Variants in PCSK2 observed in about 807,000 individuals in gnomAD.
PCSK2 encodes the protein neuroendocrine convertase 2.
Under a neutral mutation model 69.7 loss-of-function variants are expected in PCSK2, and 14 were observed. That is an observed-to-expected ratio of 0.20 (90% CI 0.13 to 0.31). PCSK2 has a LOEUF of 0.31. PCSK2 is among the 10% of genes least tolerant of loss of function. The pLI is 1.00. For synonymous variants in PCSK2, 307 were observed against 320.7 expected, an observed-to-expected ratio of 0.96 and a Z score of 0.46; for missense variants, 544 against 842.5, an observed-to-expected ratio of 0.65 and a Z score of 4.39.
chr20:17,428,575 C>T (rs2032296013), intron 6 of PCSK2, among the ~76,000 whole-genome samples: 1 of 152,144 alleles, frequency 6.6e-6, no homozygotes, highest in African/African-American at 2.4e-5. Flanking sequence ...ACCCACATTT[C>T]CTGATTGTTT....
chr20:17,416,472 A>T (rs2032001466), intron 6 of PCSK2, among the ~76,000 whole-genome samples: 1 of 152,248 alleles, frequency 6.6e-6, no homozygotes, highest in Non-Finnish European at 1.5e-5. Context: ...CCACAATGAG[A>T]TACCATCTCA....
At chr20:17,433,785 T>TTCTCTCGCTCTCTC in intron 7 of PCSK2, among the ~76,000 whole-genome samples, 1 of 40,808 alleles carries the variant, frequency 2.5e-5, no homozygotes, top group Non-Finnish European at 6.0e-5. Flanking sequence ...CTCCTTTGAT[T>TTCTCTCGCTCTCTC]TCTCTCTCTC....
At chr20:17,472,463 G>A (rs2033218551) in intron 11 of PCSK2, among the ~76,000 whole-genome samples, 2 of 152,236 alleles carry the variant, frequency 1.3e-5, no homozygotes, top group South Asian at 2.1e-4. Context: ...CCTGCTGCGT[G>A]TCGTCATGTG....
chr20:17,421,807 T>TAAAAAAAAAAAAAAAA (rs56376793), intron 6 of PCSK2, among the ~76,000 whole-genome samples: 1 of 78,972 alleles, frequency 1.3e-5, no homozygotes, highest in Non-Finnish European at 2.3e-5. Context: ...GGAAGAGAGG[T>TAAAAAAAAAAAAAAAA]AAAAAAAAAA....
At chr20:17,471,627 G>A (rs1223671670) in intron 11 of PCSK2, among the ~76,000 whole-genome samples, 1 of 152,238 alleles carries the variant, frequency 6.6e-6, no homozygotes, top group Admixed American at 6.5e-5. Flanking sequence ...AGGAGGCTCT[G>A]CCTTGGTTGG....
chr20:17,243,958 TA>T (rs1216466292), intron 1 of PCSK2, among the ~76,000 whole-genome samples: 6 of 152,132 alleles, frequency 3.9e-5, no homozygotes, highest in Admixed American at 3.3e-4. Context: ...CCAGATTTTT[TA>T]TTTTTTTTTC....
chr20:17,236,238 A>G (rs1986333091), intron 1 of PCSK2, among the ~76,000 whole-genome samples: 1 of 152,126 alleles, frequency 6.6e-6, no homozygotes, highest in Non-Finnish European at 1.5e-5. Flanking sequence ...AGAGAAAATC[A>G]AAAGAAAACT....
chr20:17,386,609 G>A lies in PCSK2; in HGVS notation c.543+17332G>A, dbSNP rs368902093. On this transcript the variant is annotated intron_variant, in intron 5 of 11. Transcript: ENST00000262545. The stretch of plus-strand genomic sequence containing the variant: ...AATCAAACTCATAGAGACAAAAGGT[G>A]GAAAGGTAGTTGCCAGGGTCTGGGT... Among the ~76,000 whole-genome samples, 129 of 152,238 alleles carry A rather than the reference G, an allele frequency of 8.5e-4. 1 individual carries two copies. In the South Asian group the frequency reaches 0.026, roughly 31 times the overall value.
intron 8 of PCSK2, among the ~76,000 whole-genome samples, chr20:17,437,143 G>T (rs554098206): frequency 6.6e-6 from 1 of 152,302 alleles, no homozygotes; most frequent in South Asian, 2.1e-4. Context: ...GGGCCGGGGG[G>T]GGGAGGGTCT....
Position 17,484,287 on chromosome 20 carries a change from A to G in PCSK2, c.*2217A>G, listed in dbSNP as rs2033458665. ...AAGAGAAATGGCAAGTTTTGATATG[A>G]GTATACAATATATAAAAATATATAT... On this transcript the variant is annotated 3_prime_UTR_variant, in exon 12 of 12. Transcript: ENST00000262545. 1 of 152,528 alleles carries G rather than the reference A, an allele frequency of 6.6e-6. No homozygotes were observed. The allele number at this position is 152,528 out of a possible 1,614,324, so 9.4% of individuals were successfully genotyped here.
At chr20:17,313,098 TTAA>T (rs1989567440) in intron 2 of PCSK2, among the ~76,000 whole-genome samples, 2 of 152,194 alleles carry the variant, frequency 1.3e-5, no homozygotes, top group South Asian at 2.1e-4. Context: ...AAATATAATT[TTAA>T]TAATATATTT....
intron 2 of PCSK2, among the ~76,000 whole-genome samples, chr20:17,266,842 T>C (rs1287490690): frequency 6.6e-6 from 1 of 152,140 alleles, no homozygotes; most frequent in Non-Finnish European, 1.5e-5. Context: ...AAAGGAAACA[T>C]AGTCTTAGGT....
chr20:17,360,622 A>G lies in PCSK2; in HGVS notation c.487A>G (p.Ile163Val). The G allele has an allele frequency of 1.9e-6, 3 of 1,599,946 alleles. No homozygotes were observed. The highest frequency in any genetic ancestry group is 1.1e-5 in the South Asian group (1 of 90,492). ...GGGATACACAGGGAAAGGTGTTACC[A>G]TTGGAATTATGGATGATGGTGAGTA... ...ELGYTGKGVT[I>V]GIMDDGIDYL... The change falls in exon 4 of 12, where the codon ATT (isoleucine) becomes GTT (valine). Residue 163 changes from isoleucine (I) to valine (V), a missense_variant. By Grantham distance (29) the Ile-to-Val change is conservative (BLOSUM62 3). This residue lies in a region of PCSK2 where 187 missense variants were observed against 399.8 expected (regional missense o/e 0.47). Coordinates refer to ENST00000262545, the MANE Select transcript of PCSK2 (RefSeq NM_002594.5).
At chr20:17,254,498 A>G (rs1474706420) in intron 1 of PCSK2, among the ~76,000 whole-genome samples, 3 of 152,304 alleles carry the variant, frequency 2.0e-5, no homozygotes, top group East Asian at 1.9e-4. Flanking sequence ...TTGAAAATCA[A>G]TTGACCATAA....
At chr20:17,258,092 C>A (rs1272181459) in intron 1 of PCSK2, among the ~76,000 whole-genome samples, 1 of 152,136 alleles carries the variant, frequency 6.6e-6, no homozygotes, top group East Asian at 1.9e-4. Flanking sequence ...AGCTTCCAGG[C>A]AATTATTTAG....
At chr20:17,258,038 C>G (rs950665977) in intron 1 of PCSK2, among the ~76,000 whole-genome samples, 1 of 152,188 alleles carries the variant, frequency 6.6e-6, no homozygotes, top group African/African-American at 2.4e-5. Flanking sequence ...AACCCTGGGA[C>G]AGATCAAATA....
In PCSK2 at chr20:17,433,812, T is replaced by TCTCTCTCTCTCC. The variant is rs774361715; in HGVS notation, c.710-2895_710-2894insTCTCTCTCTCCC. On this transcript the variant is annotated intron_variant, in intron 7 of 11. Transcript: ENST00000262545. The stretch of plus-strand genomic sequence containing the variant: ...CTCTCTCTCTCTCTCTCTCTCTCTC[T>TCTCTCTCTCTCC]CCCCCCACTTCCTTCCCTCCTCCTC... Among the ~76,000 whole-genome samples, 16 of 104,170 alleles carry TCTCTCTCTCTCC rather than the reference T, an allele frequency of 1.5e-4. 1 individual carries two copies. Among genetic ancestry groups the TCTCTCTCTCTCC allele is most frequent in the East Asian group, 1.1e-3 (3 of 2,620 alleles). 68.3% of individuals were successfully genotyped at this position (104,170 alleles called of 152,430 possible). A position where few individuals can be genotyped will look rare whatever the true frequency, so the allele number is the denominator to read the frequency against.
chr20:17,291,855 T>C (rs1050130503), intron 2 of PCSK2, among the ~76,000 whole-genome samples: 4 of 152,196 alleles, frequency 2.6e-5, no homozygotes, highest in Non-Finnish European at 4.4e-5. Context: ...TTTTTTTGGC[T>C]CTGTCATTCT....
intron 2 of PCSK2, among the ~76,000 whole-genome samples, chr20:17,349,081 GC>G (rs2029896315): frequency 6.6e-6 from 1 of 152,138 alleles, no homozygotes; most frequent in African/African-American, 2.4e-5. Flanking sequence ...ACTGCCCAGC[GC>G]AACAGTCAGC....
Sources: allele counts gnomAD v4.1 joint callset (sites outside exome capture counted in the v4.1 genomes callset), GRCh38; gene constraint gnomAD v4.1.1; regional missense constraint gnomAD v4.1.1; transcripts MANE v1.5; gene names NCBI Gene and HGNC (gene_info 2026-07-23, HGNC 2026-07-21).